Variants in COL8A2 observed in about 807,000 individuals in gnomAD.
COL8A2 encodes collagen type VIII alpha 2 chain.
In COL8A2, 16 loss-of-function variants were observed where a neutral mutation model predicts 24.0. The ratio of observed to expected loss-of-function variants is 0.67; its 90% CI spans 0.45 to 1.01. The LOEUF (loss-of-function observed/expected upper bound fraction) is 1.01, where lower values mean the gene tolerates loss of function less well. COL8A2 is among the 50% of genes least tolerant of loss of function. The pLI, the probability that COL8A2 is intolerant of heterozygous loss-of-function variation, is 0.00. For missense variants in COL8A2, 818 were observed against 942.4 expected, an observed-to-expected ratio of 0.87 and a Z score of 1.73; for synonymous variants, 466 against 424.5, an observed-to-expected ratio of 1.10 and a Z score of -1.20.
chr1:36,124,075 G>A (rs1643933635), intron 1 of COL8A2, among the ~76,000 whole-genome samples: 1 of 152,148 alleles, frequency 6.6e-6, no homozygotes, highest in Admixed American at 6.5e-5. Flanking sequence ...CTGGGAGGCT[G>A]TCCTTGCCAA....
chr1:36,100,334 C>G, intron 2 of COL8A2, 76 bp from the exon 3 acceptor site: 4 of 1,282,110 alleles, frequency 3.1e-6, no homozygotes, highest in Non-Finnish European at 3.3e-6. Flanking sequence ...ACCAAAAGAT[C>G]AGAATTTAGA....
Position 36,125,108 on chromosome 1 carries a change from C to A in COL8A2, c.-113G>T, listed in dbSNP as rs1643943068. ...TCCCGGCCCTCGAGGGCGGCCCGGGCGGCGAGGGCTCCGGGCAGGGGCGTC... is the reference window on the plus strand; with the variant it reads ...TCCCGGCCCTCGAGGGCGGCCCGGGAGGCGAGGGCTCCGGGCAGGGGCGTC... On this transcript the variant is annotated 5_prime_UTR_variant, in exon 1 of 4. Transcript: ENST00000397799. This position sits in a 1 kb window ranked among gnomAD's most constrained non-coding sequence, Gnocchi z 4.5. 2.1e-6 allele frequency: 2 copies of A among 968,508 alleles called. No individual in the cohort carries two copies. The highest frequency in any genetic ancestry group is 2.4e-6 in the Non-Finnish European group (2 of 816,644). The allele number at this position is 968,508 out of a possible 1,614,324, so 60.0% of individuals were successfully genotyped here.
chr1:36,112,201 C>T (rs1183455649), intron 2 of COL8A2, among the ~76,000 whole-genome samples: 1 of 152,074 alleles, frequency 6.6e-6, no homozygotes, highest in Non-Finnish European at 1.5e-5. Context: ...GACGGGGTTT[C>T]ACCATGTTAT....
chr1:36,112,235 C>G lies in COL8A2; in HGVS notation c.-17+3473G>C, dbSNP rs1165109160. 2.6e-5 allele frequency among the ~76,000 whole-genome samples: 4 copies of G among 152,188 alleles called. No individual in the cohort carries two copies. The East Asian group carries it at 7.7e-4, about 29-fold the overall frequency. On this transcript the variant is annotated intron_variant, in intron 2 of 3. Coordinates refer to ENST00000397799, the MANE Select transcript of COL8A2 (RefSeq NM_005202.4). ...ATCCAGGATGGTCTCGATCTCCTGA[C>G]CTCATGATCCGCCCGCCTCGGCCTC...
At chr1:36,116,707 A>C (rs557698087) in intron 1 of COL8A2, among the ~76,000 whole-genome samples, 4 of 152,314 alleles carry the variant, frequency 2.6e-5, no homozygotes, top group African/African-American at 9.6e-5. Flanking sequence ...AAGGCAGATG[A>C]GGTGATAGAA....
intron 1 of COL8A2, among the ~76,000 whole-genome samples, chr1:36,124,403 G>A (rs1304418635): frequency 1.3e-5 from 2 of 152,124 alleles, no homozygotes; most frequent in African/African-American, 4.8e-5. Flanking sequence ...TGGGGCCCTG[G>A]GACCCCAGTC....
intron 2 of COL8A2, among the ~76,000 whole-genome samples, chr1:36,105,144 C>T (rs931411406): frequency 2.0e-5 from 3 of 152,154 alleles, no homozygotes; most frequent in African/African-American, 7.2e-5. Context: ...AGCTTAGGAT[C>T]ACATGGAGCT....
chr1:36,102,664 G>GTTTTTTTTTT lies in COL8A2; in HGVS notation c.-16-2407_-16-2406insAAAAAAAAAA, dbSNP rs201487516. On this transcript the variant is annotated intron_variant, in intron 2 of 3. Transcript: ENST00000397799. The stretch of plus-strand genomic sequence containing the variant: ...TGTGTGAATTATATCTATAAAGCTG[G>GTTTTTTTTTT]TTTTTTGTTTTTTTTTTTTTTTTTT... Among the ~76,000 whole-genome samples, 43 of 94,788 alleles carry GTTTTTTTTTT rather than the reference G, an allele frequency of 4.5e-4. 5 individuals are homozygous for GTTTTTTTTTT. The highest frequency in any genetic ancestry group is 5.5e-4 in the Non-Finnish European group (28 of 50,704). 62.2% of individuals were successfully genotyped at this position (94,788 alleles called of 152,430 possible). A position where few individuals can be genotyped will look rare whatever the true frequency, so the allele number is the denominator to read the frequency against.
At chr1:36,106,051 A>AC (rs926177485) in intron 2 of COL8A2, among the ~76,000 whole-genome samples, 1 of 151,474 alleles carries the variant, frequency 6.6e-6, no homozygotes, top group African/African-American at 2.4e-5. Context: ...CAGGCGGATC[A>AC]CCTGAGGTCA....
At chr1:36,120,434 C>CA (rs1220900617) in intron 1 of COL8A2, among the ~76,000 whole-genome samples, 36 of 152,062 alleles carry the variant, frequency 2.4e-4, no homozygotes, top group African/African-American at 8.0e-4. Context: ...GCCTGGGTGA[C>CA]AGAGACTCCA....
Position 36,115,811 on chromosome 1 carries a change from C to G in COL8A2, c.-61-59G>C. 1 of 948,354 alleles carries G rather than the reference C, an allele frequency of 1.1e-6. No homozygotes were observed. 58.7% of individuals were successfully genotyped at this position (948,354 alleles called of 1,614,324 possible). A position where few individuals can be genotyped will look rare whatever the true frequency, so the allele number is the denominator to read the frequency against. On this transcript the variant is annotated intron_variant, in intron 1 of 3. Transcript: ENST00000397799. The surrounding 1 kb of genome is among the most constrained non-coding windows in gnomAD (Gnocchi z 5.7). ...GGGCAGTGGCTCAAGCTTGTAATCC[C>G]AGCACTTTGGGAGGCTAAGGTGGGA...
chr1:36,107,862 T>C (rs1643782483), intron 2 of COL8A2, among the ~76,000 whole-genome samples: 1 of 152,056 alleles, frequency 6.6e-6, no homozygotes, highest in Non-Finnish European at 1.5e-5. Flanking sequence ...CTCTGGCCTC[T>C]GTACATTCTG....
rs781002025 is a variant in COL8A2, at chr1:36,098,128, G to A, written c.1553C>T (p.Thr518Met). The A allele has an allele frequency of 2.4e-5, 36 of 1,488,626 alleles. No individual in the cohort carries two copies. In the East Asian group the frequency reaches 3.3e-4, roughly 14 times the overall value. 92.2% of individuals were successfully genotyped at this position (1,488,626 alleles called of 1,614,324 possible). Reference sequence around the variant, plus strand: ...GGGCCCGGGAGGCCCCGGAGGGCCCGTGATTCCAGGGGAGCCAGGGACCCC... The same window carrying A: ...GGGCCCGGGAGGCCCCGGAGGGCCCATGATTCCAGGGGAGCCAGGGACCCC... Reference protein sequence around the residue: ...PPGVPGSPGITGPPGPPGPPG... With the variant: ...PPGVPGSPGIMGPPGPPGPPG... The change falls in exon 4 of 4, where the codon ACG (threonine) becomes ATG (methionine). Residue 518 changes from threonine (T) to methionine (M), a missense_variant. Physicochemically the swap from Thr to Met is moderately conservative, Grantham distance 81. This residue lies in a region of COL8A2 where 235 missense variants were observed against 297.3 expected (regional missense o/e 0.79). Coordinates refer to ENST00000397799, the MANE Select transcript of COL8A2 (RefSeq NM_005202.4).
At chr1:36,111,632 C>A (rs998619997) in intron 2 of COL8A2, among the ~76,000 whole-genome samples, 4 of 151,926 alleles carry the variant, frequency 2.6e-5, no homozygotes, top group African/African-American at 9.7e-5. Context: ...CTCACTGCAG[C>A]TTCAGACTCT....
Position 36,098,872 on chromosome 1 carries a change from C to A in COL8A2, c.809G>T (p.Gly270Val). The change falls in exon 4 of 4, where the codon GGC becomes GTC. Residue 270 changes from glycine (G) to valine (V), a missense_variant. This residue lies in a region of COL8A2 where 573 missense variants were observed against 616.8 expected (regional missense o/e 0.93). Coordinates refer to ENST00000397799, the MANE Select transcript of COL8A2 (RefSeq NM_005202.4). Reference sequence around the variant, plus strand: ...GTCTACTCCAGGAGGTCCTTTTGGGCCCACAGCTCCTGGCTCCCCCCTGGG... The same window carrying A: ...GTCTACTCCAGGAGGTCCTTTTGGGACCACAGCTCCTGGCTCCCCCCTGGG... ...PGPRGEPGAV[G>V]PKGPPGVDGV... is the part of the protein sequence containing the mutation. 6.2e-7 allele frequency: 1 copy of A among 1,612,560 alleles called. No homozygotes were observed. The highest frequency in any genetic ancestry group is 8.5e-7 in the Non-Finnish European group (1 of 1,179,798).
In COL8A2 at chr1:36,097,277, T is replaced by G. The variant is rs1170339901; in HGVS notation, c.*292A>C. 3.2e-6 allele frequency: 1 copy of G among 314,304 alleles called. No individual in the cohort carries two copies. The highest frequency in any genetic ancestry group is 2.1e-5 in the African/African-American group (1 of 47,740). 19.5% of individuals were successfully genotyped at this position (314,304 alleles called of 1,614,324 possible). On this transcript the variant is annotated 3_prime_UTR_variant, in exon 4 of 4. Coordinates refer to ENST00000397799, the MANE Select transcript of COL8A2 (RefSeq NM_005202.4). The stretch of plus-strand genomic sequence containing the variant: ...GGAGTTGAGCTCCCTCTCAGCTCCT[T>G]CAGGGCCCAGCAGAGGCCAGGACTC...
chr1:36,108,002 C>T (rs564157171), intron 2 of COL8A2, among the ~76,000 whole-genome samples: 2 of 152,336 alleles, frequency 1.3e-5, no homozygotes, highest in Non-Finnish European at 2.9e-5. Context: ...CCACTCTGCC[C>T]TGTACAGGGC....
At chr1:36,110,183 C>T (rs1570045723) in intron 2 of COL8A2, among the ~76,000 whole-genome samples, 2 of 149,140 alleles carry the variant, frequency 1.3e-5, no homozygotes, top group African/African-American at 2.5e-5. Flanking sequence ...CCACCCGCCT[C>T]GGCCTCCCAA....
Position 36,115,542 on chromosome 1 carries a change from C to T in COL8A2, c.-17+166G>A, listed in dbSNP as rs562116098. 7.9e-5 allele frequency among the ~76,000 whole-genome samples: 12 copies of T among 152,256 alleles called. No homozygotes were observed. The highest frequency in any genetic ancestry group is 5.9e-4 in the Admixed American group (9 of 15,304). On this transcript the variant is annotated intron_variant, in intron 2 of 3. Transcript: ENST00000397799. The surrounding 1 kb of genome is among the most constrained non-coding windows in gnomAD (Gnocchi z 5.7). ...CGAGTTGGGCCAGGGTTTTAAAGCC[C>T]GGGCTGCAGGGAGCTGAGGTCACAT...
Sources: allele counts gnomAD v4.1 joint callset (sites outside exome capture counted in the v4.1 genomes callset), GRCh38; gene constraint gnomAD v4.1.1; regional missense constraint gnomAD v4.1.1; non-coding constraint Gnocchi (gnomAD v3.1); transcripts MANE v1.5; gene names NCBI Gene and HGNC (gene_info 2026-07-23, HGNC 2026-07-21).